Variants in ZSCAN25 observed in about 807,000 individuals in gnomAD.
ZSCAN25 encodes zinc finger and SCAN domain containing 25.
ZSCAN25 carries 27 observed loss-of-function variants against 38.7 expected under a neutral mutation model. The observed-to-expected ratio is 0.70, with a 90% CI of 0.51 to 0.96. ZSCAN25 has a LOEUF of 0.96. Among genes scored for constraint, ZSCAN25 ranks in the 40% least tolerant of loss-of-function variants. ZSCAN25 has a pLI of 0.00. For missense variants in ZSCAN25, 637 were observed against 705.9 expected (o/e 0.90, Z 1.11); for synonymous variants, 273 against 277.7 (o/e 0.98, Z 0.17).
At chr7:99,714,560 G>A in the ZSCAN25 span, 38 of 1,612,590 alleles carry the variant, frequency 2.4e-5, no homozygotes, top group Non-Finnish European at 3.1e-5. Context: ...TTTACCTTTT[G>A]TGTCTCTTTG....
intron 6 of ZSCAN25, among the ~76,000 whole-genome samples, chr7:99,623,245 T>C (rs13362841): frequency 6.6e-6 from 1 of 152,226 alleles, no homozygotes; most frequent in African/African-American, 2.4e-5. Context: ...GAAACTTTCC[T>C]GTCCCCTAAC....
rs1274184593 is a variant in ZSCAN25 at position 99,621,442 on chromosome 7, C to T, written c.457C>T (p.Gln153Ter). 1.3e-6 allele frequency: 2 copies of T among 1,546,894 alleles called. No homozygotes were observed. The highest frequency in any genetic ancestry group is 1.8e-6 in the Non-Finnish European group (2 of 1,141,694). ...LCRGAWEPGI[Q>*]LGPVEVKPEW... ...CAGAGGCGCTTGGGAGCCAGGCATC[C>T]AGCTGGGGCCAGTGGAGGTCAAGCC... The change falls in exon 5 of 8, where the codon CAG (glutamine) becomes TAG (stop). Residue 153 changes from glutamine to a stop codon, truncating the protein, a stop_gained. Transcript: ENST00000394152. LOFTEE classifies it high-confidence loss of function.
the ZSCAN25 span, chr7:99,676,155 G>A: frequency 6.2e-7 from 1 of 1,613,780 alleles, no homozygotes; most frequent in Non-Finnish European, 8.5e-7. Flanking sequence ...AGGCAGAGGT[G>A]TGGGCCCTGG....
At chr7:99,645,077 G>A in the ZSCAN25 span, among the ~76,000 whole-genome samples, 11 of 152,268 alleles carry the variant, frequency 7.2e-5, no homozygotes, top group East Asian at 1.2e-3. Context: ...TGCAACCTCC[G>A]CCTCCTGGGT....
At chr7:99,679,662 A>G in the ZSCAN25 span, among the ~76,000 whole-genome samples, 4 of 152,228 alleles carry the variant, frequency 2.6e-5, no homozygotes, top group African/African-American at 9.6e-5. Flanking sequence ...TCATTCATAG[A>G]TCTGCATAAG....
At chr7:99,678,558 T>C in the ZSCAN25 span, among the ~76,000 whole-genome samples, 1 of 152,184 alleles carries the variant, frequency 6.6e-6, no homozygotes, top group Non-Finnish European at 1.5e-5. Flanking sequence ...ATTCCTGACA[T>C]TCAGGAAAGG....
chr7:99,699,617 G>T, the ZSCAN25 span, among the ~76,000 whole-genome samples: 1 of 152,096 alleles, frequency 6.6e-6, no homozygotes, highest in Non-Finnish European at 1.5e-5. Flanking sequence ...AGGGGATGAG[G>T]ATCACACTTC....
At chr7:99,725,450 A>G in the ZSCAN25 span, among the ~76,000 whole-genome samples, 2 of 152,170 alleles carry the variant, frequency 1.3e-5, no homozygotes, top group African/African-American at 4.8e-5. Flanking sequence ...AAGACAACCC[A>G]AGACCATGTC....
At chr7:99,690,698 A>T in the ZSCAN25 span, among the ~76,000 whole-genome samples, 17 of 152,144 alleles carry the variant, frequency 1.1e-4, no homozygotes, top group Admixed American at 5.2e-4. Context: ...AAAAATGCTC[A>T]TCATCACTGG....
the ZSCAN25 span, chr7:99,664,107 A>G: frequency 6.4e-7 from 1 of 1,551,964 alleles, no homozygotes; most frequent in Non-Finnish European, 8.6e-7. Context: ...TGTGGGAAAA[A>G]CAAAACAAAC....
the ZSCAN25 span, chr7:99,717,768 T>A: frequency 7.6e-6 from 9 of 1,187,410 alleles, no homozygotes; most frequent in Non-Finnish European, 1.1e-5. Flanking sequence ...TGACAGGCCC[T>A]ATGACAGATG....
chr7:99,664,451 T>C, the ZSCAN25 span, among the ~76,000 whole-genome samples: 1 of 152,214 alleles, frequency 6.6e-6, no homozygotes, highest in Non-Finnish European at 1.5e-5. Flanking sequence ...CAGGAAATGA[T>C]AGTCAAGATA....
At chr7:99,737,481 T>C in the ZSCAN25 span, among the ~76,000 whole-genome samples, 2 of 152,186 alleles carry the variant, frequency 1.3e-5, no homozygotes, top group Non-Finnish European at 1.5e-5. Context: ...ATGGCATTGC[T>C]GGAGGATCTC....
the ZSCAN25 span, among the ~76,000 whole-genome samples, chr7:99,668,167 CAG>C: frequency 5.3e-5 from 8 of 152,194 alleles, no homozygotes; most frequent in East Asian, 3.9e-4. Context: ...ACAAGAAAAA[CAG>C]TATCATTTAC....
chr7:99,695,836 A>C, the ZSCAN25 span: 1 of 1,613,446 alleles, frequency 6.2e-7, no homozygotes, highest in East Asian at 2.2e-5. Flanking sequence ...AATGGGCTCC[A>C]TATCTACAAA....
chr7:99,676,789 G>A, the ZSCAN25 span, among the ~76,000 whole-genome samples: 1 of 152,094 alleles, frequency 6.6e-6, no homozygotes, highest in Non-Finnish European at 1.5e-5. Flanking sequence ...GAGAGGCCTT[G>A]GAGGAGTCAT....
the ZSCAN25 span, among the ~76,000 whole-genome samples, chr7:99,699,040 C>T: frequency 2.6e-5 from 4 of 152,180 alleles, no homozygotes; most frequent in Non-Finnish European, 4.4e-5. Context: ...ACTCTTCTCT[C>T]CACCTGCTCT....
chr7:99,685,795 G>C, the ZSCAN25 span, among the ~76,000 whole-genome samples: 5 of 152,250 alleles, frequency 3.3e-5, no homozygotes, highest in Non-Finnish European at 7.3e-5. Context: ...GAGGTCTTCA[G>C]TGAAACTAGG....
the ZSCAN25 span, chr7:99,735,098 A>G: frequency 8.1e-6 from 13 of 1,613,478 alleles, no homozygotes; most frequent in Admixed American, 1.0e-4. Context: ...ATCCATCACT[A>G]CTTTCCTTCC....
Sources: gnomAD v4.1 joint callset for allele counts (sites outside exome capture counted in the v4.1 genomes callset) on GRCh38, gnomAD v4.1.1 for gene constraint, MANE v1.5 for transcripts, NCBI Gene and HGNC (gene_info 2026-07-23, HGNC 2026-07-21) for gene names.